SSBP2: variants seen among roughly 807,000 people sequenced by gnomAD.
SSBP2 encodes the protein single stranded DNA binding protein 2, also known as single-stranded DNA-binding protein 2.
SSBP2 carries 17 observed loss-of-function variants against 61.8 expected under a neutral mutation model. The observed-to-expected ratio is 0.28, with a 90% CI of 0.19 to 0.41. The LOEUF (loss-of-function observed/expected upper bound fraction) is 0.41. SSBP2 is among the 10% of genes least tolerant of loss of function. The pLI, the probability that SSBP2 is intolerant of heterozygous loss-of-function variation, is 1.00. For synonymous variants in SSBP2, 139 were observed against 141.3 expected, an observed-to-expected ratio of 0.98 and a Z score of 0.12; for missense variants, 310 against 458.7, an observed-to-expected ratio of 0.68 and a Z score of 2.96.
At chr5:81,467,103 G>C (rs763756474) in intron 8 of SSBP2, 38 bp from the exon 9 acceptor site, 1 of 1,367,270 alleles carries the variant, frequency 7.3e-7, no homozygotes, top group Non-Finnish European at 1.0e-6. Context: ...AAGAGGAGGG[G>C]GGAAAGAAAG....
At chr5:81,464,852 T>G (rs113018615) in intron 9 of SSBP2, among the ~76,000 whole-genome samples, 2,737 of 152,226 alleles carry the variant, frequency 0.018, 46 homozygotes, top group South Asian at 0.098. Flanking sequence ...TTAGGAATAC[T>G]GTGTGTATGC....
intron 5 of SSBP2, among the ~76,000 whole-genome samples, chr5:81,495,652 G>A (rs986071994): frequency 1.3e-5 from 2 of 152,170 alleles, no homozygotes; most frequent in African/African-American, 2.4e-5. Context: ...TACTATCAGA[G>A]CAACAACTAT....
At chr5:81,438,323 TGTAG>T (rs1305862445) in intron 14 of SSBP2, among the ~76,000 whole-genome samples, 1 of 145,366 alleles carries the variant, frequency 6.9e-6, no homozygotes, top group African/African-American at 2.6e-5. Context: ...TGCACTCCAG[TGTAG>T]GTGACAGAGT....
chr5:81,570,328 G>C (rs1054455749), intron 4 of SSBP2, among the ~76,000 whole-genome samples: 4 of 152,014 alleles, frequency 2.6e-5, no homozygotes, highest in African/African-American at 9.7e-5. Context: ...AATACTTTCT[G>C]GTTCATTAGT....
At chr5:81,497,960 C>A (rs1229178854) in intron 5 of SSBP2, among the ~76,000 whole-genome samples, 1 of 152,098 alleles carries the variant, frequency 6.6e-6, no homozygotes, top group African/African-American at 2.4e-5. Context: ...GTCACAAGAA[C>A]TGCTAACAAT....
At chr5:81,571,849 T>C (rs1403749811) in intron 4 of SSBP2, among the ~76,000 whole-genome samples, 4 of 152,154 alleles carry the variant, frequency 2.6e-5, no homozygotes, top group Non-Finnish European at 5.9e-5. Flanking sequence ...ATTTCAGTGA[T>C]ATTACAAATG....
At chr5:81,443,522 C>T (rs1292132576) in intron 12 of SSBP2, among the ~76,000 whole-genome samples, 2 of 152,110 alleles carry the variant, frequency 1.3e-5, no homozygotes, top group South Asian at 4.1e-4. Flanking sequence ...TATTTTTCCA[C>T]ATTATACAGT....
rs1234488401 is a variant in SSBP2, at chr5:81,413,946, C to G, written c.*6558G>C. The G allele has an allele frequency of 1.3e-5, 2 of 152,058 alleles. No homozygotes were observed. The highest frequency in any genetic ancestry group is 2.9e-5 in the Non-Finnish European group (2 of 67,966). The allele number at this position is 152,058 out of a possible 1,614,324, so 9.4% of individuals were successfully genotyped here. A position where few individuals can be genotyped will look rare whatever the true frequency, so the allele number is the denominator to read the frequency against. On this transcript the variant is annotated 3_prime_UTR_variant, in exon 17 of 17. Coordinates refer to ENST00000320672, the MANE Select transcript of SSBP2 (RefSeq NM_012446.5). Reference sequence around the variant, plus strand: ...AGTACTGTGAGGAATCCAAATTTCACTCTCTTGGCAATGTACTGAGGCCAT... The same window carrying G: ...AGTACTGTGAGGAATCCAAATTTCAGTCTCTTGGCAATGTACTGAGGCCAT...
intron 6 of SSBP2, among the ~76,000 whole-genome samples, chr5:81,482,321 G>A (rs904084563): frequency 2.6e-5 from 4 of 152,040 alleles, no homozygotes; most frequent in Admixed American, 1.3e-4. Context: ...GTCACCAGTT[G>A]TATTACCCCC....
intron 15 of SSBP2, among the ~76,000 whole-genome samples, chr5:81,431,169 C>A (rs1580660156): frequency 6.6e-6 from 1 of 152,032 alleles, no homozygotes; most frequent in East Asian, 1.9e-4. Context: ...TAGGTTTCAT[C>A]AATAAGGCAA....
At chr5:81,534,308 C>A (rs1770645487) in intron 4 of SSBP2, among the ~76,000 whole-genome samples, 2 of 152,036 alleles carry the variant, frequency 1.3e-5, no homozygotes, top group African/African-American at 4.8e-5. Context: ...GTCCAGCTAT[C>A]AAGAAAGAAT....
intron 16 of SSBP2, 56 bp from the exon 17 acceptor site, chr5:81,420,589 G>A: frequency 4.3e-6 from 6 of 1,406,900 alleles, no homozygotes; most frequent in Non-Finnish European, 6.0e-6. Context: ...GATCACTAAG[G>A]TTCTTCTTGG....
intron 1 of SSBP2, among the ~76,000 whole-genome samples, chr5:81,667,827 C>T (rs2153774512): frequency 6.6e-6 from 1 of 152,136 alleles, no homozygotes; most frequent in East Asian, 1.9e-4. Flanking sequence ...TCTTATTAAG[C>T]ATTTTTATTC....
At chr5:81,724,762 T>G (rs1339586796) in intron 1 of SSBP2, among the ~76,000 whole-genome samples, 3 of 152,118 alleles carry the variant, frequency 2.0e-5, no homozygotes, top group African/African-American at 7.2e-5. Flanking sequence ...CAAACCACAA[T>G]GTGTTGATTT....
chr5:81,521,573 AC>A (rs1769486793), intron 4 of SSBP2, among the ~76,000 whole-genome samples: 1 of 151,990 alleles, frequency 6.6e-6, no homozygotes, highest in Admixed American at 6.6e-5. Context: ...GAAGTCTGAT[AC>A]CACCTTGATT....
At chr5:81,711,721 T>C (rs1452926574) in intron 1 of SSBP2, among the ~76,000 whole-genome samples, 1 of 152,008 alleles carries the variant, frequency 6.6e-6, no homozygotes, top group Non-Finnish European at 1.5e-5. Flanking sequence ...CTTTATCTCA[T>C]CCAAAATAAT....
At chr5:81,648,352 C>T (rs991163793) in intron 2 of SSBP2, among the ~76,000 whole-genome samples, 1 of 152,076 alleles carries the variant, frequency 6.6e-6, no homozygotes, top group Non-Finnish European at 1.5e-5. Flanking sequence ...TTTTATTATA[C>T]TGCATATATT....
At chr5:81,436,237 T>C (rs1051766483) in intron 15 of SSBP2, among the ~76,000 whole-genome samples, 14 of 142,018 alleles carry the variant, frequency 9.9e-5, no homozygotes, top group African/African-American at 2.9e-4. Context: ...AACACAATCA[T>C]GGTAATCTGA....
At chr5:81,496,066 A>G (rs1767253062) in intron 5 of SSBP2, among the ~76,000 whole-genome samples, 1 of 152,228 alleles carries the variant, frequency 6.6e-6, no homozygotes, top group South Asian at 2.1e-4. Flanking sequence ...TCTGAGGTAC[A>G]GTTCTAAAAC....
Sources: allele counts gnomAD v4.1 joint callset (sites outside exome capture counted in the v4.1 genomes callset), GRCh38; gene constraint gnomAD v4.1.1; transcripts MANE v1.5; gene names NCBI Gene and HGNC (gene_info 2026-07-23, HGNC 2026-07-21).